SORCS3: variants seen among roughly 807,000 people sequenced by gnomAD.
SORCS3 encodes the protein sortilin related VPS10 domain containing receptor 3, also known as VPS10 domain-containing receptor SorCS3.
SORCS3 carries 57 observed loss-of-function variants against 146.3 expected under a neutral mutation model. The ratio of observed to expected loss-of-function variants is 0.39; its 90% confidence interval spans 0.31 to 0.49. The LOEUF (loss-of-function observed/expected upper bound fraction) is 0.49, where lower values mean the gene tolerates loss of function less well. Ranked by LOEUF, SORCS3 falls within the 20% of genes least tolerant of loss-of-function variation. The pLI is 0.92. For synonymous variants in SORCS3, 653 were observed against 618.5 expected, an observed-to-expected ratio of 1.06 and a Z score of -0.83; for missense variants, 1,341 against 1,575.5, an observed-to-expected ratio of 0.85 and a Z score of 2.52.
chr10:104,726,838 G>A (rs184346863), intron 1 of SORCS3, among the ~76,000 whole-genome samples: 7 of 152,220 alleles, frequency 4.6e-5, no homozygotes, highest in African/African-American at 1.4e-4. Flanking sequence ...CCCCAGAATA[G>A]GACCAGCAGT....
intron 3 of SORCS3, among the ~76,000 whole-genome samples, chr10:104,925,250 A>C (rs1258215709): frequency 6.6e-6 from 1 of 152,214 alleles, no homozygotes; most frequent in East Asian, 1.9e-4. Context: ...AAAATGCTTT[A>C]ATTTTTAACT....
At chr10:104,757,309 C>T (rs2017065318) in intron 1 of SORCS3, among the ~76,000 whole-genome samples, 1 of 152,148 alleles carries the variant, frequency 6.6e-6, no homozygotes, top group African/African-American at 2.4e-5. Flanking sequence ...CTGGTCCGGT[C>T]AGCAATTACC....
At chr10:105,152,396 TTCAATGTAAA>T (rs1347137984) in intron 9 of SORCS3, among the ~76,000 whole-genome samples, 11 of 152,338 alleles carry the variant, frequency 7.2e-5, no homozygotes, top group African/African-American at 2.6e-4. Context: ...TCAGTATACG[TTCAATGTAAA>T]CAATTATTTA....
At chr10:104,902,330 G>A (rs2018860080) in intron 2 of SORCS3, among the ~76,000 whole-genome samples, 1 of 152,170 alleles carries the variant, frequency 6.6e-6, no homozygotes, top group African/African-American at 2.4e-5. Context: ...CCTTTACCCA[G>A]GGGAGCACCC....
intron 4 of SORCS3, among the ~76,000 whole-genome samples, chr10:105,005,945 C>G (rs2055092550): frequency 6.6e-6 from 1 of 152,200 alleles, no homozygotes; most frequent in African/African-American, 2.4e-5. Context: ...CAGTTTAATT[C>G]TTCAATTTCT....
chr10:104,951,745 C>A (rs567342641), intron 3 of SORCS3, among the ~76,000 whole-genome samples: 8 of 152,224 alleles, frequency 5.3e-5, no homozygotes, highest in Admixed American at 5.2e-4. Context: ...TTATTTTGAA[C>A]CCTGGAGAAA....
intron 3 of SORCS3, among the ~76,000 whole-genome samples, chr10:104,949,163 C>T (rs2019403107): frequency 6.6e-6 from 1 of 152,078 alleles, no homozygotes; most frequent in Non-Finnish European, 1.5e-5. Context: ...CCACCCCACT[C>T]CAGAGGCAGA....
At chr10:104,722,883 G>A (rs1271481913) in intron 1 of SORCS3, among the ~76,000 whole-genome samples, 1 of 151,954 alleles carries the variant, frequency 6.6e-6, no homozygotes, top group Non-Finnish European at 1.5e-5. Flanking sequence ...TTCTTTATTA[G>A]TCTTGCTAGC....
chr10:104,831,901 G>A (rs2018004919), intron 1 of SORCS3, among the ~76,000 whole-genome samples: 1 of 152,204 alleles, frequency 6.6e-6, no homozygotes, highest in Non-Finnish European at 1.5e-5. Context: ...TCATCTCTGT[G>A]CACACACATT....
chr10:104,746,304 T>C (rs919208321), intron 1 of SORCS3, among the ~76,000 whole-genome samples: 1 of 152,002 alleles, frequency 6.6e-6, no homozygotes, highest in Non-Finnish European at 1.5e-5. Context: ...GCCTGGCTAA[T>C]TTTTTGTATT....
intron 4 of SORCS3, among the ~76,000 whole-genome samples, chr10:105,005,109 A>C (rs184440991): frequency 1.3e-5 from 2 of 152,260 alleles, no homozygotes; most frequent in East Asian, 3.9e-4. Context: ...TGAATACCAC[A>C]AGATTGCTAA....
intron 16 of SORCS3, among the ~76,000 whole-genome samples, chr10:105,206,140 A>G (rs928230175): frequency 6.6e-6 from 1 of 152,202 alleles, no homozygotes; most frequent in African/African-American, 2.4e-5. Flanking sequence ...CGCAGTGGAC[A>G]AGTCAGAGGA....
At chr10:104,764,964 A>G (rs1345634459) in intron 1 of SORCS3, among the ~76,000 whole-genome samples, 1 of 152,198 alleles carries the variant, frequency 6.6e-6, no homozygotes, top group Non-Finnish European at 1.5e-5. Flanking sequence ...TGAAGGCATG[A>G]GTGCTGTGAT....
chr10:105,188,516 A>C (rs1195116810), intron 14 of SORCS3, among the ~76,000 whole-genome samples: 2 of 152,166 alleles, frequency 1.3e-5, no homozygotes, highest in African/African-American at 4.8e-5. Flanking sequence ...TTAATACTAA[A>C]TCATTTCAAA....
At chr10:104,848,713 G>A (rs2018236100) in intron 2 of SORCS3, among the ~76,000 whole-genome samples, 1 of 152,136 alleles carries the variant, frequency 6.6e-6, no homozygotes, top group Non-Finnish European at 1.5e-5. Context: ...TCAATCTGGT[G>A]GAAACTCCTG....
Position 105,167,275 on chromosome 10 carries a change from C to T in SORCS3, c.1827C>T (p.Tyr609=). 2 of 1,612,918 alleles carry T rather than the reference C, an allele frequency of 1.2e-6. No individual in the cohort carries two copies. Among genetic ancestry groups the T allele is most frequent in the Non-Finnish European group, 1.7e-6 (2 of 1,179,128 alleles). ...TGTTCCAGATCTTTGATGAAGAGTA[C>T]AATGTCTGGTTCCTAGACTGGGGTG... ...NTWRQIFDEE[Y]NVWFLDWGGA... The change falls in exon 13 of 27, where the codon TAC becomes TAT. Residue 609 remains tyrosine, a synonymous_variant. Coordinates refer to ENST00000369701, the MANE Select transcript of SORCS3 (RefSeq NM_014978.3).
chr10:104,850,952 C>A (rs2133553127), intron 2 of SORCS3, among the ~76,000 whole-genome samples: 1 of 152,352 alleles, frequency 6.6e-6, no homozygotes, highest in East Asian at 1.9e-4. Context: ...ACTCTGCTAA[C>A]TTGCTGTTCA....
chr10:105,218,412 ACT>A (rs1384300421), intron 19 of SORCS3, among the ~76,000 whole-genome samples: 1 of 152,180 alleles, frequency 6.6e-6, no homozygotes, highest in Non-Finnish European at 1.5e-5. Flanking sequence ...TGTGCAAGGC[ACT>A]CTGCTAGGCA....
At chr10:104,710,603 G>A (rs1052857422) in intron 1 of SORCS3, among the ~76,000 whole-genome samples, 4 of 152,160 alleles carry the variant, frequency 2.6e-5, no homozygotes, top group Admixed American at 1.3e-4. Flanking sequence ...ATGAAGTGAC[G>A]AAGAACATTT....
Sources: gnomAD v4.1 joint callset for allele counts (sites outside exome capture counted in the v4.1 genomes callset) on GRCh38, gnomAD v4.1.1 for gene constraint, MANE v1.5 for transcripts, NCBI Gene and HGNC (gene_info 2026-07-23, HGNC 2026-07-21) for gene names.